Variants in GSE1 observed in about 807,000 individuals in gnomAD.
GSE1 encodes genetic suppressor element 1.
In GSE1, 32 loss-of-function variants were observed where a neutral mutation model predicts 112.6. The ratio of observed to expected loss-of-function variants is 0.28; its 90% CI spans 0.21 to 0.38. The LOEUF is 0.38. Ranked by LOEUF, GSE1 falls within the 10% of genes least tolerant of loss-of-function variation. GSE1 has a pLI of 1.00. For synonymous variants in GSE1, 1,115 were observed against 735.6 expected, an observed-to-expected ratio of 1.52 and a Z score of -8.35; for missense variants, 2,348 against 1,699.2, an observed-to-expected ratio of 1.38 and a Z score of -6.71.
intron 1 of GSE1, among the ~76,000 whole-genome samples, chr16:85,288,929 G>T (rs759028687): frequency 1.3e-5 from 2 of 152,158 alleles, no homozygotes; most frequent in African/African-American, 4.8e-5. Flanking sequence ...CTGAGAAATG[G>T]TGTGCCTAGC....
chr16:85,310,261 C>T (rs1041798489), intron 1 of GSE1, among the ~76,000 whole-genome samples: 3 of 152,200 alleles, frequency 2.0e-5, no homozygotes, highest in Non-Finnish European at 4.4e-5. Flanking sequence ...CTGCTGTGGG[C>T]CTCACTTTGC....
intron 1 of GSE1, among the ~76,000 whole-genome samples, chr16:85,273,939 C>T (rs562080966): frequency 1.3e-3 from 196 of 150,398 alleles, no homozygotes; most frequent in Middle Eastern, 3.4e-3. Context: ...TCAGGTGATC[C>T]ACCCACCTCG....
intron 2 of GSE1, among the ~76,000 whole-genome samples, chr16:85,455,882 C>G (rs1265718593): frequency 6.6e-6 from 1 of 152,254 alleles, no homozygotes; most frequent in African/African-American, 2.4e-5. Flanking sequence ...TGGCCTAATG[C>G]CCTTCCCTCC....
chr16:85,176,191 C>G (rs780287634), intron 1 of GSE1, among the ~76,000 whole-genome samples: 1 of 152,192 alleles, frequency 6.6e-6, no homozygotes, highest in Non-Finnish European at 1.5e-5. Context: ...GTTGCCCTGG[C>G]TGATCTCCTA....
intron 1 of GSE1, among the ~76,000 whole-genome samples, chr16:85,265,892 T>A (rs994871346): frequency 3.9e-5 from 6 of 152,156 alleles, no homozygotes; most frequent in Admixed American, 3.9e-4. Context: ...TGGGTGAGCC[T>A]GGGTCTCTGC....
intron 2 of GSE1, among the ~76,000 whole-genome samples, chr16:85,401,245 C>A (rs369587723): frequency 1.3e-5 from 2 of 152,010 alleles, no homozygotes; most frequent in Non-Finnish European, 2.9e-5. Context: ...CTCCCTGATA[C>A]GTTTACAACC....
At chr16:85,256,967 CA>C (rs1567643370) in intron 1 of GSE1, among the ~76,000 whole-genome samples, 1 of 152,122 alleles carries the variant, frequency 6.6e-6, no homozygotes, top group African/African-American at 2.4e-5. Flanking sequence ...TTCTTTCTGT[CA>C]CGATACTTTG....
chr16:85,641,628 C>T lies in GSE1; in HGVS notation c.227-6924C>T, dbSNP rs114967895. 3.0e-3 allele frequency among the ~76,000 whole-genome samples: 455 copies of T among 152,386 alleles called. 1 individual carries two copies. Among genetic ancestry groups the T allele is most frequent in the African/African-American group, 0.01 (434 of 41,600 alleles). ...GTCCCGTGTACCAGGGCTGCGGTGACTCCAGAAGGTTTCCCAGCCTGTTCT... is the reference window on the plus strand; with the variant it reads ...GTCCCGTGTACCAGGGCTGCGGTGATTCCAGAAGGTTTCCCAGCCTGTTCT... On this transcript the variant is annotated intron_variant, in intron 2 of 15. Transcript: ENST00000253458.
chr16:85,625,753 A>G (rs2049024967), intron 1 of GSE1, among the ~76,000 whole-genome samples: 1 of 152,206 alleles, frequency 6.6e-6, no homozygotes, highest in African/African-American at 2.4e-5. Context: ...TATGGGGTTC[A>G]GGGTGGCTGC....
chr16:85,282,411 C>A (rs2044883771), intron 1 of GSE1, among the ~76,000 whole-genome samples: 1 of 152,202 alleles, frequency 6.6e-6, no homozygotes, highest in Admixed American at 6.5e-5. Context: ...AAGCTTTTTT[C>A]TCCTCCAGGT....
intron 1 of GSE1, among the ~76,000 whole-genome samples, chr16:85,597,970 C>A (rs974268416): frequency 6.6e-6 from 1 of 151,966 alleles, no homozygotes; most frequent in African/African-American, 2.4e-5. Flanking sequence ...AGAAGGGTGT[C>A]CTGCTTCTTG....
intron 2 of GSE1, among the ~76,000 whole-genome samples, chr16:85,377,447 C>T (rs1180656907): frequency 6.6e-6 from 1 of 152,220 alleles, no homozygotes. Flanking sequence ...CAATGGAAAC[C>T]TCTCCTGGCT....
chr16:85,628,068 A>T (rs1277318296), intron 1 of GSE1, among the ~76,000 whole-genome samples: 1 of 152,188 alleles, frequency 6.6e-6, no homozygotes, highest in African/African-American at 2.4e-5. Context: ...GGCTGTGTCC[A>T]TTCACAGCAG....
At chr16:85,500,418 C>T (rs7500672) in intron 2 of GSE1, among the ~76,000 whole-genome samples, 4 of 152,004 alleles carry the variant, frequency 2.6e-5, no homozygotes, top group Non-Finnish European at 4.4e-5. Context: ...ATAAATCACT[C>T]GGCACTTCAA....
chr16:85,589,046 T>C (rs972447237), intron 1 of GSE1, among the ~76,000 whole-genome samples: 2 of 152,148 alleles, frequency 1.3e-5, no homozygotes, highest in Non-Finnish European at 2.9e-5. Context: ...CCATGGGCTG[T>C]GCTGACTTCC....
In GSE1 at chr16:85,661,695, G is replaced by A; in HGVS notation, c.2190G>A (p.Leu730=). The A allele has an allele frequency of 6.2e-7, 1 of 1,606,440 alleles. No homozygotes were observed. The highest frequency in any genetic ancestry group is 8.5e-7 in the Non-Finnish European group (1 of 1,176,732). The change falls in exon 9 of 16, where the codon CTG becomes CTA. Residue 730 remains leucine (L), a synonymous_variant. Coordinates refer to ENST00000253458, the MANE Select transcript of GSE1 (RefSeq NM_014615.5). ...PDPAYIYDEF[L]QQRRRLVSKL... ...CTGCCTACATCTATGATGAGTTCCTGCAGCAGCGCCGGAGGCTGGTCAGCA... is the reference window on the plus strand; with the variant it reads ...CTGCCTACATCTATGATGAGTTCCTACAGCAGCGCCGGAGGCTGGTCAGCA...
intron 1 of GSE1, among the ~76,000 whole-genome samples, chr16:85,189,040 G>A (rs930683035): frequency 9.9e-5 from 15 of 152,124 alleles, no homozygotes; most frequent in Admixed American, 8.5e-4. Flanking sequence ...CCCTGCACAC[G>A]CTCCAGTGCT....
intron 1 of GSE1, among the ~76,000 whole-genome samples, chr16:85,328,471 C>T (rs748673863): frequency 3.3e-5 from 5 of 152,254 alleles, no homozygotes; most frequent in East Asian, 3.8e-4. Context: ...TTCCCCCGCC[C>T]GCCTAGACAC....
At chr16:85,278,477 T>C (rs190373353) in intron 1 of GSE1, among the ~76,000 whole-genome samples, 66 of 152,376 alleles carry the variant, frequency 4.3e-4, no homozygotes, top group Middle Eastern at 3.4e-3. Context: ...TTGAGCCTGG[T>C]CAGACTCTAT....
Sources: allele counts gnomAD v4.1 joint callset (sites outside exome capture counted in the v4.1 genomes callset), GRCh38; gene constraint gnomAD v4.1.1; transcripts MANE v1.5; gene names NCBI Gene and HGNC (gene_info 2026-07-23, HGNC 2026-07-21).